KPNB1: variants seen among roughly 807,000 people sequenced by gnomAD.
The protein encoded by KPNB1 is importin subunit beta-1.
Under a neutral mutation model 113.0 loss-of-function variants are expected in KPNB1, and 7 were observed. The ratio of observed to expected loss-of-function variants is 0.06; its 90% CI spans 0.04 to 0.12. The LOEUF (loss-of-function observed/expected upper bound fraction) is 0.12. KPNB1 is among the 10% of genes least tolerant of loss of function. KPNB1 has a pLI of 1.00. For missense variants in KPNB1, 400 were observed against 1,054.8 expected (o/e 0.38, Z 8.60); for synonymous variants, 363 against 378.6 (o/e 0.96, Z 0.48).
chr17:47,654,703 C>T (rs551057713), intron 3 of KPNB1, among the ~76,000 whole-genome samples: 60 of 152,236 alleles, frequency 3.9e-4, no homozygotes, highest in Admixed American at 9.2e-4. Context: ...TAAATCACCT[C>T]AAGTAATATG....
At position 47,668,192 on chromosome 17, in the gene KPNB1, AATG is replaced by A. The variant is rs781495708; in HGVS notation, c.1014_1016del (p.Asp341del). 2 of 1,613,338 alleles carry A rather than the reference AATG, an allele frequency of 1.2e-6. No homozygotes were observed. Among genetic ancestry groups the A allele is most frequent in the Non-Finnish European group, 1.7e-6 (2 of 1,179,324 alleles). ...TGCCATATTCTTTCACCAGGACGAA[AATG>A]ATGATGACGATGACTGGAACCCCTG... On this transcript the variant is annotated inframe_deletion, in exon 10 of 22. Coordinates refer to ENST00000290158, the MANE Select transcript of KPNB1 (RefSeq NM_002265.6).
At chr17:47,670,616 C>G (rs921688793) in intron 11 of KPNB1, 86 bp from the exon 12 acceptor site, 3 of 1,410,894 alleles carry the variant, frequency 2.1e-6, no homozygotes, top group Non-Finnish European at 2.9e-6. Context: ...TTCACTGACA[C>G]GGCCCAAAGT....
In KPNB1 at chr17:47,649,935, C is replaced by T. The variant is rs183804084; in HGVS notation, c.-310C>T. ...TCCCTCGCTCCCTCCCTGCGCGCCG[C>T]CTCTCACTCACAGCCTCCCTTCCTT... is the stretch of plus-strand genomic sequence containing the variant. On this transcript the variant is annotated 5_prime_UTR_variant, in exon 1 of 22. Transcript: ENST00000290158. The T allele has an allele frequency of 2.6e-4, 339 of 1,289,388 alleles. 2 individuals carry two copies. The East Asian group carries it at 6.9e-3, about 26-fold the overall frequency. 79.9% of individuals were successfully genotyped at this position (1,289,388 alleles called of 1,614,324 possible).
intron 11 of KPNB1, 115 bp downstream of exon 11, chr17:47,669,984 T>C: frequency 1.3e-6 from 1 of 765,296 alleles, no homozygotes; most frequent in East Asian, 2.6e-5. Flanking sequence ...CTGATTTTCT[T>C]TCTAATTTAT....
intron 14 of KPNB1, 63 bp from the exon 15 acceptor site, chr17:47,674,575 G>C: frequency 1.3e-6 from 2 of 1,481,952 alleles, no homozygotes; most frequent in Non-Finnish European, 9.1e-7. Context: ...AAAAAGAAAA[G>C]GTATAGTGTT....
chr17:47,658,484 A>G, intron 4 of KPNB1, 24 bp from the exon 5 acceptor site: 1 of 1,607,118 alleles, frequency 6.2e-7, no homozygotes, highest in Non-Finnish European at 8.5e-7. Context: ...CTGTATATTC[A>G]TTGCACTTCT....
chr17:47,676,711 CAG>C (rs1478462379), intron 16 of KPNB1, among the ~76,000 whole-genome samples: 1 of 150,734 alleles, frequency 6.6e-6, no homozygotes, highest in Non-Finnish European at 1.5e-5. Flanking sequence ...TTAGATGTAA[CAG>C]ATAATGGTGG....
chr17:47,665,789 C>T (rs529531402), intron 9 of KPNB1, among the ~76,000 whole-genome samples: 21 of 152,248 alleles, frequency 1.4e-4, no homozygotes, highest in African/African-American at 4.6e-4. Flanking sequence ...TGATGCAACA[C>T]AGTGTTTTTT....
At position 47,649,938 on chromosome 17, in the gene KPNB1, C is replaced by A. The variant is rs890672754; in HGVS notation, c.-307C>A. On this transcript the variant is annotated 5_prime_UTR_variant, in exon 1 of 22. Coordinates refer to ENST00000290158, the MANE Select transcript of KPNB1 (RefSeq NM_002265.6). ...CTCGCTCCCTCCCTGCGCGCCGCCTCTCACTCACAGCCTCCCTTCCTTCTT... is the reference window on the plus strand; with the variant it reads ...CTCGCTCCCTCCCTGCGCGCCGCCTATCACTCACAGCCTCCCTTCCTTCTT... The A allele has an allele frequency of 1.2e-5, 15 of 1,293,090 alleles. No individual in the cohort carries two copies. The South Asian group carries it at 3.2e-4, about 27-fold the overall frequency. The allele number at this position is 1,293,090 out of a possible 1,614,324, so 80.1% of individuals were successfully genotyped here.
chr17:47,680,664 A>C lies in KPNB1; in HGVS notation c.2625A>C (p.Gln875His). 1 of 1,613,706 alleles carries C rather than the reference A, an allele frequency of 6.2e-7. No individual in the cohort carries two copies. Among genetic ancestry groups the C allele is most frequent in the Non-Finnish European group, 8.5e-7 (1 of 1,179,748 alleles). The stretch of plus-strand genomic sequence containing the variant: ...AAGAACTGAGGAAACTGAAGAACCA[A>C]GCTTGGTAAGATCTTGCCTCCACTG... Reference protein sequence around the residue: ...ATKELRKLKNQA With the variant: ...ATKELRKLKNHA The change falls in exon 21 of 22, where the codon CAA becomes CAC. Residue 875 changes from glutamine (Q) to histidine (H), a missense_variant. Physicochemically the swap from Gln to His is conservative, Grantham distance 24. This residue lies in a region of KPNB1 where 115 missense variants were observed against 427.9 expected (regional missense o/e 0.27). Coordinates refer to ENST00000290158, the MANE Select transcript of KPNB1 (RefSeq NM_002265.6).
At chr17:47,661,685 C>CT (rs1348254002) in intron 6 of KPNB1, among the ~76,000 whole-genome samples, 104 of 152,274 alleles carry the variant, frequency 6.8e-4, no homozygotes, top group African/African-American at 2.3e-3. Flanking sequence ...AGTGTGGTGG[C>CT]TCACACTATA....
At chr17:47,672,222 T>C (rs769010226) in intron 12 of KPNB1, among the ~76,000 whole-genome samples, 1 of 152,064 alleles carries the variant, frequency 6.6e-6, no homozygotes, top group Non-Finnish European at 1.5e-5. Flanking sequence ...GCCAGGCTGG[T>C]CACAAACTCC....
Position 47,674,745 on chromosome 17 carries a change from A to G in KPNB1, c.1875A>G (p.Gln625=), listed in dbSNP as rs1335843135. 6 of 1,613,946 alleles carry G rather than the reference A, an allele frequency of 3.7e-6. No homozygotes were observed. Among genetic ancestry groups the G allele is most frequent in the Non-Finnish European group, 1.7e-6 (2 of 1,179,958 alleles). ...GCACAGCTGGGTCTGGGGGAGTACAAGAGGATGCCCTGATGGCAGTTAGCA... is the reference window on the plus strand; with the variant it reads ...GCACAGCTGGGTCTGGGGGAGTACAGGAGGATGCCCTGATGGCAGTTAGCA... ...FQSTAGSGGV[Q]EDALMAVSTL... The change falls in exon 15 of 22, where the codon CAA becomes CAG. Residue 625 remains glutamine (Q), a synonymous_variant. Coordinates refer to ENST00000290158, the MANE Select transcript of KPNB1 (RefSeq NM_002265.6).
rs187213476 is a variant in KPNB1 at position 47,675,066 on chromosome 17, G to A, written c.1912+284G>A. 1.0e-3 allele frequency among the ~76,000 whole-genome samples: 153 copies of A among 152,238 alleles called. 1 individual carries two copies. Among genetic ancestry groups the A allele is most frequent in the East Asian group, 3.9e-4 (2 of 5,174 alleles). On this transcript the variant is annotated intron_variant, in intron 15 of 21. Transcript: ENST00000290158. ...AACTCCTGAGTCAAGTGATCCTCCT[G>A]CCTCAGCCTCCCAGAGTGCTAGGAT...
At chr17:47,656,581 C>G (rs2029916619) in intron 3 of KPNB1, among the ~76,000 whole-genome samples, 1 of 151,398 alleles carries the variant, frequency 6.6e-6, no homozygotes, top group South Asian at 2.1e-4. Flanking sequence ...TGGTGATGCC[C>G]TGTCTCAACA....
intron 9 of KPNB1, among the ~76,000 whole-genome samples, chr17:47,665,600 T>C (rs2030243935): frequency 6.6e-6 from 1 of 152,210 alleles, no homozygotes; most frequent in Non-Finnish European, 1.5e-5. Flanking sequence ...CAGATGCTAA[T>C]GAAGGACCCC....
At chr17:47,653,864 C>T (rs568630621) in intron 3 of KPNB1, among the ~76,000 whole-genome samples, 5 of 152,238 alleles carry the variant, frequency 3.3e-5, no homozygotes, top group African/African-American at 9.6e-5. Context: ...GGTTTCAAAT[C>T]GTTTTGGAGC....
chr17:47,662,416 G>A (rs1462058968), intron 6 of KPNB1, among the ~76,000 whole-genome samples: 1 of 151,912 alleles, frequency 6.6e-6, no homozygotes, highest in Admixed American at 6.6e-5. Flanking sequence ...GAAACTCCAT[G>A]TCCACAAAGA....
At chr17:47,657,548 A>C (rs550650846) in intron 4 of KPNB1, among the ~76,000 whole-genome samples, 1 of 152,280 alleles carries the variant, frequency 6.6e-6, no homozygotes, top group South Asian at 2.1e-4. Context: ...TATAGACTTT[A>C]TGAAGCAAAG....
Sources: allele counts gnomAD v4.1 joint callset (sites outside exome capture counted in the v4.1 genomes callset), GRCh38; gene constraint gnomAD v4.1.1; regional missense constraint gnomAD v4.1.1; transcripts MANE v1.5; gene names NCBI Gene and HGNC (gene_info 2026-07-23, HGNC 2026-07-21).